Variants in NBAS observed in about 807,000 individuals in gnomAD.
NBAS encodes the protein NBAS subunit of NRZ tethering complex, also known as NAG/BC035112 fusion.
In NBAS, 219 loss-of-function variants were observed where a neutral mutation model predicts 302.5. The observed-to-expected ratio is 0.72, with a 90% CI of 0.65 to 0.81. The LOEUF is 0.81. Among genes scored for constraint, NBAS ranks in the 30% least tolerant of loss-of-function variants. NBAS has a pLI of 0.00. For synonymous variants in NBAS, 1,118 were observed against 1,021.6 expected, an observed-to-expected ratio of 1.09 and a Z score of -1.80; for missense variants, 2,932 against 2,841.6, an observed-to-expected ratio of 1.03 and a Z score of -0.72.
At chr2:14,872,839 A>G in the NBAS span, among the ~76,000 whole-genome samples, 1 of 151,354 alleles carries the variant, frequency 6.6e-6, no homozygotes, top group Admixed American at 6.6e-5. Flanking sequence ...CTTCGTGGTG[A>G]GCGTCTTACA....
the NBAS span, among the ~76,000 whole-genome samples, chr2:15,009,243 C>G: frequency 6.6e-6 from 1 of 152,146 alleles, no homozygotes; most frequent in Non-Finnish European, 1.5e-5. Context: ...ATCCCAGGCA[C>G]AAATGGTAAT....
At chr2:14,966,417 G>T in the NBAS span, among the ~76,000 whole-genome samples, 3 of 152,236 alleles carry the variant, frequency 2.0e-5, no homozygotes, top group African/African-American at 7.2e-5. Context: ...ATATGCAGAG[G>T]ATTGGTTCCA....
the NBAS span, among the ~76,000 whole-genome samples, chr2:14,845,093 G>C: frequency 1.1e-3 from 164 of 152,320 alleles, 3 homozygotes; most frequent in Middle Eastern, 3.4e-3. Flanking sequence ...CAGCAGGCTT[G>C]AGTGAGACCC....
intron 26 of NBAS, among the ~76,000 whole-genome samples, chr2:15,396,694 A>G (rs534288272): frequency 1.2e-4 from 19 of 152,234 alleles, no homozygotes; most frequent in African/African-American, 4.3e-4. Context: ...TCAGATATGA[A>G]CAACTATTTT....
the NBAS span, among the ~76,000 whole-genome samples, chr2:14,834,131 G>C: frequency 1.3e-5 from 2 of 152,076 alleles, no homozygotes; most frequent in African/African-American, 2.4e-5. Flanking sequence ...TAGGAATCTG[G>C]TCTTTCTGTC....
rs182660563 is a variant in NBAS, at chr2:15,314,108, C to T, written c.4583-4861G>A. Reference sequence around the variant, plus strand: ...GTGGCTCATGCCTGTAATCCCAGCACTTTGGGAGGCCGAGGCAGGTGGATC... The same window carrying T: ...GTGGCTCATGCCTGTAATCCCAGCATTTTGGGAGGCCGAGGCAGGTGGATC... On this transcript the variant is annotated intron_variant, in intron 38 of 51. Coordinates refer to ENST00000281513, the MANE Select transcript of NBAS (RefSeq NM_015909.4). Among the ~76,000 whole-genome samples the T allele has an allele frequency of 2.2e-4, 33 of 152,296 alleles. No homozygotes were observed. In the East Asian group the frequency reaches 5.8e-3, roughly 27 times the overall value.
the NBAS span, among the ~76,000 whole-genome samples, chr2:15,033,984 GGAAGAA>G: frequency 1.2e-4 from 7 of 56,320 alleles, no homozygotes; most frequent in Admixed American, 6.0e-4. Flanking sequence ...AAGAGGAAGA[GGAAGAA>G]GAAGAAGAAG....
chr2:15,092,270 T>A, the NBAS span, among the ~76,000 whole-genome samples: 4 of 152,194 alleles, frequency 2.6e-5, no homozygotes, highest in African/African-American at 9.7e-5. Context: ...TTTCCATTGT[T>A]GAACTGCAGA....
chr2:15,331,809 G>A (rs1256868296), intron 35 of NBAS, among the ~76,000 whole-genome samples: 1 of 152,174 alleles, frequency 6.6e-6, no homozygotes, highest in African/African-American at 2.4e-5. Context: ...CCTAGAACCT[G>A]TGACTATGTA....
chr2:15,500,737 A>G (rs1661486882), intron 11 of NBAS, among the ~76,000 whole-genome samples: 1 of 149,860 alleles, frequency 6.7e-6, no homozygotes, highest in Non-Finnish European at 1.5e-5. Flanking sequence ...TCTGGCTAAC[A>G]CGGTGAAACC....
intron 45 of NBAS, among the ~76,000 whole-genome samples, chr2:15,235,030 G>A (rs1226615049): frequency 3.3e-5 from 5 of 152,022 alleles, no homozygotes; most frequent in Non-Finnish European, 7.4e-5. Flanking sequence ...GTGAATAGAG[G>A]GTGTTGTGAA....
intron 31 of NBAS, among the ~76,000 whole-genome samples, chr2:15,370,184 G>A (rs527492597): frequency 1.8e-4 from 28 of 152,240 alleles, no homozygotes; most frequent in African/African-American, 6.3e-4. Context: ...TTTGAATCCT[G>A]GCTCCACCTC....
chr2:15,155,879 A>G, the NBAS span, among the ~76,000 whole-genome samples: 1 of 152,214 alleles, frequency 6.6e-6, no homozygotes, highest in Non-Finnish European at 1.5e-5. Context: ...TATGAGAAGA[A>G]ATCAATAACA....
chr2:15,210,521 T>C (rs1478572751), intron 48 of NBAS, among the ~76,000 whole-genome samples: 1 of 152,052 alleles, frequency 6.6e-6, no homozygotes, highest in Non-Finnish European at 1.5e-5. Context: ...GCACTATTGG[T>C]TGGAATGTAA....
chr2:15,076,853 T>C, the NBAS span, among the ~76,000 whole-genome samples: 1 of 152,186 alleles, frequency 6.6e-6, no homozygotes, highest in Non-Finnish European at 1.5e-5. Context: ...TCACAACAGC[T>C]CAGAGTTTTC....
chr2:15,280,935 G>A (rs1669797745), intron 42 of NBAS, among the ~76,000 whole-genome samples: 1 of 152,190 alleles, frequency 6.6e-6, no homozygotes, highest in South Asian at 2.1e-4. Context: ...CAGCCTGACA[G>A]CTGAATACGT....
intron 22 of NBAS, among the ~76,000 whole-genome samples, chr2:15,426,513 A>G (rs920964013): frequency 6.6e-6 from 1 of 151,934 alleles, no homozygotes; most frequent in Non-Finnish European, 1.5e-5. Flanking sequence ...TGTATTTTTA[A>G]CCTATTTTCT....
chr2:14,873,956 T>C, the NBAS span, among the ~76,000 whole-genome samples: 2 of 151,824 alleles, frequency 1.3e-5, no homozygotes, highest in African/African-American at 4.8e-5. Context: ...AAAGATAACA[T>C]GATAAATCAG....
At chr2:15,122,957 C>T in the NBAS span, among the ~76,000 whole-genome samples, 4 of 152,176 alleles carry the variant, frequency 2.6e-5, no homozygotes, top group South Asian at 8.3e-4. Flanking sequence ...GACTCACATT[C>T]CCTCTTGCTG....
Sources: gnomAD v4.1 joint callset for allele counts (sites outside exome capture counted in the v4.1 genomes callset) on GRCh38, gnomAD v4.1.1 for gene constraint, MANE v1.5 for transcripts, NCBI Gene and HGNC (gene_info 2026-07-23, HGNC 2026-07-21) for gene names.